CNTNAP2: variants seen among roughly 807,000 people sequenced by gnomAD.
The protein encoded by CNTNAP2 is contactin associated protein 2, also known as contactin-associated protein-like 2.
Under a neutral mutation model 155.2 loss-of-function variants are expected in CNTNAP2, and 98 were observed. The ratio of observed to expected loss-of-function variants is 0.63; its 90% CI spans 0.54 to 0.75. The LOEUF is 0.75. Ranked by LOEUF, CNTNAP2 falls within the 30% of genes least tolerant of loss-of-function variation. The pLI is 0.00. For synonymous variants in CNTNAP2, 651 were observed against 631.2 expected, an observed-to-expected ratio of 1.03 and a Z score of -0.47; for missense variants, 1,727 against 1,688.1, an observed-to-expected ratio of 1.02 and a Z score of -0.40.
At position 147,702,699 on chromosome 7, in the gene CNTNAP2, C is replaced by A. The variant is rs532667989; in HGVS notation, c.2098+63393C>A. 3.3e-5 allele frequency among the ~76,000 whole-genome samples: 5 copies of A among 152,108 alleles called. No homozygotes were observed. The South Asian group carries it at 1.0e-3, about 32-fold the overall frequency. On this transcript the variant is annotated intron_variant, in intron 13 of 23. Transcript: ENST00000361727. The stretch of plus-strand genomic sequence containing the variant: ...GGTGATCTGAAAAAAAGTGCTTCAT[C>A]TCTCTTGTCGTTAATGTTTGGGTCT...
At chr7:147,921,822 A>G (rs1056677422) in intron 14 of CNTNAP2, among the ~76,000 whole-genome samples, 28 of 152,214 alleles carry the variant, frequency 1.8e-4, no homozygotes, top group Admixed American at 1.2e-3. Flanking sequence ...CTAGACAAGG[A>G]AAGAGGCAGA....
At chr7:147,295,270 CGTGT>C (rs749144938) in intron 8 of CNTNAP2, among the ~76,000 whole-genome samples, 6 of 150,238 alleles carry the variant, frequency 4.0e-5, no homozygotes, top group South Asian at 2.1e-4. Context: ...TGTGTGCATG[CGTGT>C]GTGTGTGTGT....
intron 12 of CNTNAP2, among the ~76,000 whole-genome samples, chr7:147,577,830 G>T (rs1225299058): frequency 6.6e-6 from 1 of 151,860 alleles, no homozygotes; most frequent in African/African-American, 2.4e-5. Context: ...ATTCTCTCTT[G>T]GTATCGTGTT....
chr7:146,397,199 T>C (rs1795641919), intron 1 of CNTNAP2, among the ~76,000 whole-genome samples: 1 of 152,202 alleles, frequency 6.6e-6, no homozygotes. Flanking sequence ...CCATTTTCTC[T>C]TGATTGACAT....
chr7:147,899,418 G>T (rs1271313763), intron 13 of CNTNAP2, among the ~76,000 whole-genome samples: 2 of 152,148 alleles, frequency 1.3e-5, no homozygotes, highest in African/African-American at 2.4e-5. Flanking sequence ...GGGGAAGTAG[G>T]CAGTTGCTAA....
intron 2 of CNTNAP2, among the ~76,000 whole-genome samples, chr7:146,822,367 T>TGCA (rs1241466137): frequency 1.3e-5 from 2 of 151,916 alleles, no homozygotes; most frequent in Admixed American, 6.6e-5. Context: ...ATATACCTAA[T>TGCA]GCTAAATGAC....
In CNTNAP2 at chr7:146,667,827, T is replaced by A. The variant is rs79591402; in HGVS notation, c.98-106444T>A. 3.0e-3 allele frequency among the ~76,000 whole-genome samples: 461 copies of A among 152,212 alleles called. 4 individuals carry two copies. Among genetic ancestry groups the A allele is most frequent in the Non-Finnish European group, 5.4e-3 (367 of 67,972 alleles). On this transcript the variant is annotated intron_variant, in intron 1 of 23. Coordinates refer to ENST00000361727, the MANE Select transcript of CNTNAP2 (RefSeq NM_014141.6). ...TGGATTTTCGTGTGTCGATTTTTTA[T>A]TCTGCAATTTTACTGAATTGGTTTA...
chr7:146,554,969 C>T lies in CNTNAP2; in HGVS notation c.98-219302C>T, dbSNP rs115206090. On this transcript the variant is annotated intron_variant, in intron 1 of 23. Coordinates refer to ENST00000361727, the MANE Select transcript of CNTNAP2 (RefSeq NM_014141.6). Reference sequence around the variant, plus strand: ...GAGATCTACTTACGTATTATTTGTCCCATTTTCCAAATAAAGAAAATGGGG... The same window carrying T: ...GAGATCTACTTACGTATTATTTGTCTCATTTTCCAAATAAAGAAAATGGGG... Among the ~76,000 whole-genome samples, 1,375 of 152,228 alleles carry T rather than the reference C, an allele frequency of 9.0e-3. 14 individuals are homozygous for T. Among genetic ancestry groups the T allele is most frequent in the African/African-American group, 0.032 (1,314 of 41,532 alleles).
chr7:147,828,388 T>C (rs1226447366), intron 13 of CNTNAP2, among the ~76,000 whole-genome samples: 2 of 152,212 alleles, frequency 1.3e-5, no homozygotes, highest in Admixed American at 1.3e-4. Flanking sequence ...ATGAGCCTCA[T>C]AGAGGTGTTA....
At chr7:146,790,037 T>G (rs908125639) in intron 2 of CNTNAP2, among the ~76,000 whole-genome samples, 2 of 152,034 alleles carry the variant, frequency 1.3e-5, no homozygotes, top group Non-Finnish European at 2.9e-5. Context: ...TTGTGACATT[T>G]TGCCTTTCAT....
At chr7:147,463,958 T>A (rs1327758505) in intron 10 of CNTNAP2, among the ~76,000 whole-genome samples, 367 of 82,760 alleles carry the variant, frequency 4.4e-3, no homozygotes, top group Middle Eastern at 8.6e-3. Flanking sequence ...GCCCCACTAC[T>A]AAAAAAAAAA....
rs1293511754 is a variant in CNTNAP2, at chr7:148,418,882, G to T, written c.*3266G>T. 1 of 152,226 alleles carries T rather than the reference G, an allele frequency of 6.6e-6. No individual in the cohort carries two copies. Among genetic ancestry groups the T allele is most frequent in the East Asian group, 1.9e-4 (1 of 5,198 alleles). 9.4% of individuals were successfully genotyped at this position (152,226 alleles called of 1,614,324 possible). A position where few individuals can be genotyped will look rare whatever the true frequency, so the allele number is the denominator to read the frequency against. ...CAAGAGCAGGAATTCAGAGGCACAA[G>T]AAAAAGCATTGGCATGAGCCAAAGA... On this transcript the variant is annotated 3_prime_UTR_variant, in exon 24 of 24. Transcript: ENST00000361727.
intron 13 of CNTNAP2, among the ~76,000 whole-genome samples, chr7:147,738,431 A>C (rs1315935364): frequency 3.3e-5 from 5 of 152,094 alleles, no homozygotes; most frequent in Non-Finnish European, 7.4e-5. Context: ...AGACACTGCC[A>C]TGGCCACCCC....
chr7:147,385,243 C>G (rs1469704367), intron 9 of CNTNAP2, among the ~76,000 whole-genome samples: 3 of 152,282 alleles, frequency 2.0e-5, no homozygotes, highest in South Asian at 2.1e-4. Context: ...GGTGGGGACA[C>G]AGCCAAACCA....
At chr7:146,455,607 T>G (rs1796544197) in intron 1 of CNTNAP2, among the ~76,000 whole-genome samples, 2 of 152,204 alleles carry the variant, frequency 1.3e-5, no homozygotes, top group South Asian at 4.1e-4. Flanking sequence ...ACATAATGTT[T>G]ATAATTTAAA....
chr7:147,274,875 T>A (rs147392471), intron 8 of CNTNAP2, among the ~76,000 whole-genome samples: 1 of 152,196 alleles, frequency 6.6e-6, no homozygotes, highest in Admixed American at 6.5e-5. Context: ...GAGTCCAGTT[T>A]TTTTAGGCAT....
chr7:147,609,787 A>G (rs1024890892), intron 12 of CNTNAP2, among the ~76,000 whole-genome samples: 4 of 152,160 alleles, frequency 2.6e-5, no homozygotes, highest in African/African-American at 9.7e-5. Flanking sequence ...ATCACTGGAG[A>G]GAAACCTGAA....
chr7:146,317,411 C>A (rs570618006), intron 1 of CNTNAP2, among the ~76,000 whole-genome samples: 3 of 152,152 alleles, frequency 2.0e-5, no homozygotes, highest in African/African-American at 7.2e-5. Context: ...CCCTCTTTTT[C>A]TTTTCCTGCA....
At chr7:147,347,461 T>TATATGC (rs1554472698) in intron 9 of CNTNAP2, among the ~76,000 whole-genome samples, 19 of 62,518 alleles carry the variant, frequency 3.0e-4, no homozygotes, top group South Asian at 5.2e-4. Flanking sequence ...TATATGCATA[T>TATATGC]ATATATATAT....
Sources: allele counts gnomAD v4.1 joint callset (sites outside exome capture counted in the v4.1 genomes callset), GRCh38; gene constraint gnomAD v4.1.1; transcripts MANE v1.5; gene names NCBI Gene and HGNC (gene_info 2026-07-23, HGNC 2026-07-21).